Variants in RGS7 observed in about 807,000 individuals in gnomAD.
The protein encoded by RGS7 is regulator of G protein signaling 7.
Under a neutral mutation model 81.1 loss-of-function variants are expected in RGS7, and 27 were observed. The ratio of observed to expected loss-of-function variants is 0.33; its 90% CI spans 0.25 to 0.46. The LOEUF (loss-of-function observed/expected upper bound fraction) is 0.46, where lower values mean the gene tolerates loss of function less well. Ranked by LOEUF, RGS7 falls within the 20% of genes least tolerant of loss-of-function variation. The pLI is 1.00. For synonymous variants in RGS7, 208 were observed against 207.7 expected (o/e 1.00, Z -0.01); for missense variants, 396 against 607.4 (o/e 0.65, Z 3.66).
chr1:241,184,988 T>C (rs892135672), intron 2 of RGS7, among the ~76,000 whole-genome samples: 13 of 152,206 alleles, frequency 8.5e-5, no homozygotes, highest in African/African-American at 1.4e-4. Context: ...GAAAATATTA[T>C]GGAAGTGGAC....
At chr1:240,955,551 CAAA>C (rs369155474) in intron 4 of RGS7, among the ~76,000 whole-genome samples, 47 of 140,244 alleles carry the variant, frequency 3.4e-4, no homozygotes, top group African/African-American at 1.1e-3. Flanking sequence ...GACTCTGTCT[CAAA>C]AAAAAAAAAA....
chr1:240,852,295 T>C (rs943786611), intron 9 of RGS7, among the ~76,000 whole-genome samples: 48 of 152,222 alleles, frequency 3.2e-4, no homozygotes, highest in African/African-American at 1.1e-3. Flanking sequence ...ATTGTTATCA[T>C]TTTTCAGTAA....
At chr1:241,334,415 C>G (rs1558329993) in intron 2 of RGS7, among the ~76,000 whole-genome samples, 1 of 152,102 alleles carries the variant, frequency 6.6e-6, no homozygotes, top group East Asian at 1.9e-4. Context: ...TCATAAAGAT[C>G]ATTCCACAAC....
chr1:241,321,920 T>C (rs752353069), intron 2 of RGS7, among the ~76,000 whole-genome samples: 1 of 152,168 alleles, frequency 6.6e-6, no homozygotes, highest in East Asian at 1.9e-4. Flanking sequence ...CCTTCATTGT[T>C]GATTAACCAC....
At chr1:241,355,666 T>C in intron 2 of RGS7, 33 bp downstream of exon 2, 1 of 1,594,686 alleles carries the variant, frequency 6.3e-7, no homozygotes, top group South Asian at 1.1e-5. Context: ...GCCGGAAGTT[T>C]CCCGTTTTCC....
chr1:241,064,222 T>A (rs946357670), intron 3 of RGS7, among the ~76,000 whole-genome samples: 4 of 145,378 alleles, frequency 2.8e-5, no homozygotes, highest in Non-Finnish European at 6.0e-5. Flanking sequence ...AAGAGAAAGG[T>A]GCTGTGCTTT....
At chr1:240,959,830 A>C (rs1681057651) in intron 4 of RGS7, among the ~76,000 whole-genome samples, 1 of 152,168 alleles carries the variant, frequency 6.6e-6, no homozygotes, top group Non-Finnish European at 1.5e-5. Flanking sequence ...ATATTTTAAA[A>C]TACAAGTTCA....
In RGS7 at chr1:240,901,416, T is replaced by C. The variant is rs376338300; in HGVS notation, c.385+29301A>G. 3.9e-5 allele frequency among the ~76,000 whole-genome samples: 6 copies of C among 152,226 alleles called. No homozygotes were observed. In the South Asian group the frequency reaches 8.3e-4, roughly 21 times the overall value. ...TGGAGCTGTTCCTATTCAGCCATCT[T>C]GGAACAAGAACCAAAACTCTTTTCT... On this transcript the variant is annotated intron_variant, in intron 6 of 18. Transcript: ENST00000440928.
At chr1:240,965,363 G>C (rs1301602414) in intron 4 of RGS7, among the ~76,000 whole-genome samples, 2 of 152,138 alleles carry the variant, frequency 1.3e-5, no homozygotes, top group Non-Finnish European at 2.9e-5. Flanking sequence ...CAGTTTGCTT[G>C]CATCTTTTTC....
At chr1:240,966,699 AACC>A (rs1682361471) in intron 4 of RGS7, among the ~76,000 whole-genome samples, 2 of 152,128 alleles carry the variant, frequency 1.3e-5, no homozygotes, top group African/African-American at 4.8e-5. Flanking sequence ...GATTAATCGA[AACC>A]TATGGATAAT....
intron 2 of RGS7, among the ~76,000 whole-genome samples, chr1:241,327,098 GAAAGAAAGAAAGAA>G (rs1417304623): frequency 3.8e-5 from 3 of 78,530 alleles, no homozygotes; most frequent in African/African-American, 1.5e-4. Context: ...AAGAAAGAAA[GAAAGAAAGAAAGAA>G]AGAAAGAAAG....
At chr1:240,791,459 G>C (rs570750759) in intron 18 of RGS7, among the ~76,000 whole-genome samples, 4 of 152,262 alleles carry the variant, frequency 2.6e-5, no homozygotes, top group African/African-American at 9.6e-5. Flanking sequence ...TTTAGATAAA[G>C]ATGTCTAATG....
In RGS7 at chr1:240,814,781, A is replaced by C; in HGVS notation, c.784-4T>G. The C allele has an allele frequency of 6.3e-7, 1 of 1,575,606 alleles. No individual in the cohort carries two copies. Among genetic ancestry groups the C allele is most frequent in the South Asian group, 1.1e-5 (1 of 90,248 alleles). On this transcript the variant is annotated splice_region_variant and splice_polypyrimidine_tract_variant and intron_variant, in intron 11 of 18. Coordinates refer to ENST00000440928, the MANE Select transcript of RGS7 (RefSeq NM_001364886.1). Reference sequence around the variant, plus strand: ...ACTGTATTTGCCAATATTTTATCTGAAAAGAGGGTTAGAGAAGGAGTTACA... The same window carrying C: ...ACTGTATTTGCCAATATTTTATCTGCAAAGAGGGTTAGAGAAGGAGTTACA...
At chr1:240,920,302 G>T in intron 6 of RGS7, 1 of 1,400,078 alleles carries the variant, frequency 7.1e-7, no homozygotes, top group Non-Finnish European at 1.0e-6. Flanking sequence ...AACTTTGGTC[G>T]TGGAGGAAAC....
chr1:241,213,032 C>G (rs2147936700), intron 2 of RGS7, among the ~76,000 whole-genome samples: 1 of 152,326 alleles, frequency 6.6e-6, no homozygotes, highest in Admixed American at 6.5e-5. Flanking sequence ...TGCCAACCTG[C>G]TTGTGAGATG....
chr1:240,955,084 G>T (rs1228499387), intron 4 of RGS7, among the ~76,000 whole-genome samples: 1 of 152,050 alleles, frequency 6.6e-6, no homozygotes, highest in African/African-American at 2.4e-5. Context: ...AGAAATAAAA[G>T]ATTTAAAAAT....
chr1:241,167,479 C>T (rs1396603818), intron 2 of RGS7, among the ~76,000 whole-genome samples: 1 of 151,608 alleles, frequency 6.6e-6, no homozygotes, highest in Non-Finnish European at 1.5e-5. Flanking sequence ...TGGCATCAAC[C>T]AGGAGATTTC....
intron 18 of RGS7, among the ~76,000 whole-genome samples, chr1:240,782,222 C>T (rs368442475): frequency 6.6e-6 from 1 of 152,114 alleles, no homozygotes; most frequent in South Asian, 2.1e-4. Context: ...TTTGGTTGCT[C>T]ACTCCTCCAC....
chr1:241,089,053 CTCTCTCTCTCTATATATATATA>C (rs1558700359), intron 3 of RGS7, among the ~76,000 whole-genome samples: 1 of 53,196 alleles, frequency 1.9e-5, no homozygotes, highest in African/African-American at 9.8e-5. Flanking sequence ...CTCTCTCTCT[CTCTCTCTCTCTATATATATATA>C]TATATATATA....
Sources: allele counts gnomAD v4.1 joint callset (sites outside exome capture counted in the v4.1 genomes callset), GRCh38; gene constraint gnomAD v4.1.1; transcripts MANE v1.5; gene names NCBI Gene and HGNC (gene_info 2026-07-23, HGNC 2026-07-21).